ZSCAN29: variants seen among roughly 807,000 people sequenced by gnomAD.
ZSCAN29 encodes the protein zinc finger and SCAN domain containing 29.
In ZSCAN29, 55 loss-of-function variants were observed where a neutral mutation model predicts 71.9. The observed-to-expected ratio is 0.76, with a 90% CI of 0.62 to 0.96. The LOEUF (loss-of-function observed/expected upper bound fraction) is 0.96, where lower values mean the gene tolerates loss of function less well. Among genes scored for constraint, ZSCAN29 ranks in the 40% least tolerant of loss-of-function variants. The pLI, the probability that ZSCAN29 is intolerant of heterozygous loss-of-function variation, is 0.00. For missense variants in ZSCAN29, 1,042 were observed against 1,042.2 expected (o/e 1.00, Z 0.00); for synonymous variants, 351 against 371.6 (o/e 0.94, Z 0.64).
At chr15:43,362,008 C>G in intron 5 of ZSCAN29, 67 bp from the exon 6 acceptor site, 1 of 1,509,220 alleles carries the variant, frequency 6.6e-7, no homozygotes, top group Non-Finnish European at 8.9e-7. Context: ...GAATGTAAAA[C>G]TTGGGAAAAA....
chr15:43,366,072 A>G (rs928160192), intron 4 of ZSCAN29, 38 bp downstream of exon 4: 2 of 1,550,208 alleles, frequency 1.3e-6, no homozygotes, highest in East Asian at 2.3e-5. Context: ...TTGTTCCCCA[A>G]GTCTAATTCC....
Position 43,366,639 on chromosome 15 carries a change from C to T in ZSCAN29, c.693G>A (p.Val231=), listed in dbSNP as rs760954848. ...LPSKKDRRSW[V]EQDHWSFEDE... is the part of the protein sequence containing the mutation. Reference sequence around the variant, plus strand: ...CTTCAAAGCTCCAGTGATCCTGTTCCACCCAGCTTCTTCTATCTTTCTTGG... The same window carrying T: ...CTTCAAAGCTCCAGTGATCCTGTTCTACCCAGCTTCTTCTATCTTTCTTGG... Residue 231 remains valine, a synonymous_variant, in exon 4 of 6, where the codon GTG becomes GTA. Coordinates refer to ENST00000684362, the MANE Select transcript of ZSCAN29 (RefSeq NM_001372080.1). 2 of 1,614,130 alleles carry T rather than the reference C, an allele frequency of 1.2e-6. No homozygotes were observed. Among genetic ancestry groups the T allele is most frequent in the South Asian group, 1.1e-5 (1 of 91,092 alleles).
chr15:43,368,659 T>C (rs1265526784), intron 3 of ZSCAN29, among the ~76,000 whole-genome samples: 1 of 151,806 alleles, frequency 6.6e-6, no homozygotes. Flanking sequence ...TAGAAAAGAA[T>C]TTTTATCTAG....
Position 43,369,760 on chromosome 15 carries a change from G to A in ZSCAN29, c.154C>T (p.Arg52Cys), listed in dbSNP as rs1280566361. ...AGTTCTACAATCTGCTCCTTGGTGC[G>A]CACCTCCGGCCTTAGCCACCGACAG... ...LCCRWLRPEV[R>C]TKEQIVELLV... The change falls in exon 2 of 6, where the codon CGC (arginine) becomes TGC (cysteine). Residue 52 changes from arginine to cysteine, a missense_variant. Transcript: ENST00000684362. The A allele has an allele frequency of 4.3e-6, 7 of 1,614,204 alleles. No individual in the cohort carries two copies. Among genetic ancestry groups the A allele is most frequent in the Non-Finnish European group, 5.1e-6 (6 of 1,180,046 alleles).
chr15:43,365,215 GT>G (rs1566883181), intron 4 of ZSCAN29, among the ~76,000 whole-genome samples: 1 of 152,170 alleles, frequency 6.6e-6, no homozygotes, highest in Non-Finnish European at 1.5e-5. Context: ...GCTTAGAATG[GT>G]TAGATAACTG....
chr15:43,363,879 T>A, intron 5 of ZSCAN29, 36 bp downstream of exon 5: 1 of 1,530,356 alleles, frequency 6.5e-7, no homozygotes, highest in Non-Finnish European at 8.8e-7. Flanking sequence ...TTGTCTTCCC[T>A]TTGTTATTTA....
At position 43,361,502 on chromosome 15, in the gene ZSCAN29, G is replaced by C; in HGVS notation, c.2130C>G (p.Asp710Glu). The stretch of plus-strand genomic sequence containing the variant: ...AACTGTCACGGAAACTTTTTCCACA[G>C]TCAAGACATTTATAAGGTTTCTCTC... ...HTGEKPYKCL[D>E]CGKSFRDSSN... The change falls in exon 6 of 6, where the codon GAC becomes GAG. Residue 710 changes from aspartate (D) to glutamate (E), a missense_variant. Physicochemically the swap from Asp to Glu is conservative, Grantham distance 45. Transcript: ENST00000684362. 6.2e-7 allele frequency: 1 copy of C among 1,614,148 alleles called. No homozygotes were observed. Among genetic ancestry groups the C allele is most frequent in the Non-Finnish European group, 8.5e-7 (1 of 1,180,026 alleles).
intron 5 of ZSCAN29, chr15:43,363,685 A>G (rs973121628): frequency 2.0e-5 from 9 of 449,272 alleles, no homozygotes; most frequent in South Asian, 1.1e-4. Context: ...AATCACAGCA[A>G]ATTTACAATG....
intron 2 of ZSCAN29, 49 bp downstream of exon 2, chr15:43,369,547 C>T (rs761103135): frequency 1.3e-5 from 20 of 1,560,910 alleles, no homozygotes; most frequent in East Asian, 2.2e-5. Context: ...TAATTTAGCC[C>T]TCCACCCAGT....
intron 5 of ZSCAN29, among the ~76,000 whole-genome samples, 164 bp from the exon 6 acceptor site, chr15:43,362,105 T>C (rs555397164): frequency 1.9e-4 from 29 of 152,342 alleles, no homozygotes; most frequent in African/African-American, 7.0e-4. Context: ...ATGTTTTACT[T>C]CTCTACTTGT....
chr15:43,369,324 C>A, intron 2 of ZSCAN29, 197 bp from the exon 3 acceptor site: 1 of 605,724 alleles, frequency 1.7e-6, no homozygotes, highest in East Asian at 3.0e-5. Flanking sequence ...AGGAAACGAT[C>A]AAAATAGTAA....
chr15:43,366,851 G>T, intron 3 of ZSCAN29, 43 bp from the exon 4 acceptor site: 1 of 1,520,764 alleles, frequency 6.6e-7, no homozygotes, highest in Non-Finnish European at 8.9e-7. Flanking sequence ...AGTTTGGACT[G>T]ATTATCACAA....
Position 43,361,148 on chromosome 15 carries a change from A to C in ZSCAN29, c.2484T>G (p.Ser828Arg). 1 of 1,614,000 alleles carries C rather than the reference A, an allele frequency of 6.2e-7. No individual in the cohort carries two copies. The highest frequency in any genetic ancestry group is 8.5e-7 in the Non-Finnish European group (1 of 1,179,856). Reference protein sequence around the residue: ...YGCHDCGKCFSKSSALNKHGE... With the variant: ...YGCHDCGKCFRKSSALNKHGE... ...CGTGCTTATTAAGGGCAGAGCTTTT[A>C]CTGAAGCACTTACCACAGTCATGAC... The change falls in exon 6 of 6, where the codon AGT (serine) becomes AGG (arginine). Residue 828 changes from serine to arginine, a missense_variant. Coordinates refer to ENST00000684362, the MANE Select transcript of ZSCAN29 (RefSeq NM_001372080.1).
At position 43,366,403 on chromosome 15, in the gene ZSCAN29, C is replaced by T. The variant is rs199803410; in HGVS notation, c.929G>A (p.Arg310Gln). ...TKFKGLQKSYRKVKSGHPPET... is the reference protein window; with the variant it reads ...TKFKGLQKSYQKVKSGHPPET... ...AGGTGGGTGGCCGCTCTTGACTTTC[C>T]GATAGCTCTTCTGGAGACCTTTGAA... is the stretch of plus-strand genomic sequence containing the variant. The change falls in exon 4 of 6, where the codon CGG (arginine) becomes CAG (glutamine). Residue 310 changes from arginine to glutamine, a missense_variant. Coordinates refer to ENST00000684362, the MANE Select transcript of ZSCAN29 (RefSeq NM_001372080.1). 1.5e-4 allele frequency: 243 copies of T among 1,614,018 alleles called. No individual in the cohort carries two copies. Among genetic ancestry groups the T allele is most frequent in the Non-Finnish European group, 2.0e-4 (238 of 1,180,034 alleles).
At chr15:43,368,031 TG>T (rs1318892697) in intron 3 of ZSCAN29, among the ~76,000 whole-genome samples, 4 of 152,224 alleles carry the variant, frequency 2.6e-5, no homozygotes, top group Non-Finnish European at 5.9e-5. Context: ...ATCAGAGTCC[TG>T]GAAGTTACCA....
At position 43,366,567 on chromosome 15, in the gene ZSCAN29, C is replaced by T; in HGVS notation, c.765G>A (p.Thr255=). 3 of 1,614,228 alleles carry T rather than the reference C, an allele frequency of 1.9e-6. No homozygotes were observed. Among genetic ancestry groups the T allele is most frequent in the Non-Finnish European group, 2.5e-6 (3 of 1,180,038 alleles). ...GVHWGYEETR[T]LLAILSQTEF... is the part of the protein sequence containing the mutation. ...CAGTCTGGCTGAGAATTGCGAGGAG[C>T]GTTCTGGTCTCTTCATAGCCCCAGT... The change falls in exon 4 of 6, where the codon ACG becomes ACA. Residue 255 remains threonine (T), a synonymous_variant. Transcript: ENST00000684362.
intron 3 of ZSCAN29, among the ~76,000 whole-genome samples, chr15:43,367,715 A>T (rs1246594610): frequency 1.3e-5 from 2 of 152,208 alleles, no homozygotes; most frequent in Non-Finnish European, 2.9e-5. Flanking sequence ...TTCTTATTGC[A>T]GAGTACCCTG....
Position 43,364,194 on chromosome 15 carries a change from T to C in ZSCAN29, c.1411A>G (p.Ser471Gly), listed in dbSNP as rs2044012841. ...TGGCCATTCTTAACTTTCCGATAGC[T>C]GGTTTGCAGGCTTTTAAACTTGGTC... is the stretch of plus-strand genomic sequence containing the variant. ...CRTKFKSLQT[S>G]YRKVKNGQAP... The change falls in exon 5 of 6, where the codon AGC becomes GGC. Residue 471 changes from serine (S) to glycine (G), a missense_variant. Coordinates refer to ENST00000684362, the MANE Select transcript of ZSCAN29 (RefSeq NM_001372080.1). The C allele has an allele frequency of 6.2e-7, 1 of 1,614,248 alleles. No individual in the cohort carries two copies.
chr15:43,364,003 C>T lies in ZSCAN29; in HGVS notation c.1602G>A (p.Glu534=), dbSNP rs1458745944. Residue 534 remains glutamate, a synonymous_variant, in exon 5 of 6, where the codon GAG becomes GAA. Transcript: ENST00000684362. The part of the protein sequence containing the change: ...KQAEEADEAT[E]EDSDDDEEDT... ...CCTCTTCATCATCATCAGAATCTTC[C>T]TCTGTGGCCTCGTCTGCTTCCTCAG... 6.2e-7 allele frequency: 1 copy of T among 1,614,182 alleles called. No individual in the cohort carries two copies. The highest frequency in any genetic ancestry group is 1.1e-5 in the South Asian group (1 of 91,074).
Sources: allele counts gnomAD v4.1 joint callset (sites outside exome capture counted in the v4.1 genomes callset), GRCh38; gene constraint gnomAD v4.1.1; transcripts MANE v1.5; gene names NCBI Gene and HGNC (gene_info 2026-07-23, HGNC 2026-07-21).